The following SPTBN1 variants were observed in gnomAD, a reference collection of about 807,000 sequenced individuals.
SPTBN1 encodes the protein spectrin beta chain, non-erythrocytic 1.
A neutral mutation model predicts 266.4 loss-of-function variants in SPTBN1; 32 were observed. The observed-to-expected ratio is 0.12, with a 90% confidence interval of 0.09 to 0.16. The LOEUF (loss-of-function observed/expected upper bound fraction) is 0.16. Ranked by LOEUF, SPTBN1 falls within the 10% of genes least tolerant of loss-of-function variation. The pLI, the probability that SPTBN1 is intolerant of heterozygous loss-of-function variation, is 1.00. For synonymous variants in SPTBN1, 1,336 were observed against 1,162.2 expected (o/e 1.15, Z -3.04); for missense variants, 2,296 against 3,067.1 (o/e 0.75, Z 5.94).
chr2:54,616,086 C>A (rs747728257), intron 4 of SPTBN1, 121 bp from the exon 5 acceptor site: 2 of 720,670 alleles, frequency 2.8e-6, no homozygotes, highest in East Asian at 2.9e-5. Context: ...CAGGGTAGAT[C>A]GTCTGCAGGG....
chr2:54,469,485 C>T (rs1159842485), intron 1 of SPTBN1, among the ~76,000 whole-genome samples: 1 of 152,182 alleles, frequency 6.6e-6, no homozygotes, highest in African/African-American at 2.4e-5. Context: ...TCTGAAACTC[C>T]TAACCTGATG....
At chr2:54,550,171 A>G (rs566027492) in intron 2 of SPTBN1, among the ~76,000 whole-genome samples, 6 of 152,316 alleles carry the variant, frequency 3.9e-5, no homozygotes, top group Admixed American at 2.0e-4. Flanking sequence ...AGAGGTAGCT[A>G]TAGTATTTAT....
chr2:54,660,114 C>G (rs748121897), intron 32 of SPTBN1, 115 bp downstream of exon 32: 1 of 1,603,214 alleles, frequency 6.2e-7, no homozygotes, highest in East Asian at 2.2e-5. Flanking sequence ...CAAGAATCAC[C>G]CTTTCCAAAT....
intron 1 of SPTBN1, among the ~76,000 whole-genome samples, chr2:54,524,719 C>T (rs2104313968): frequency 6.6e-6 from 1 of 152,348 alleles, no homozygotes; most frequent in African/African-American, 2.4e-5. Flanking sequence ...TGGGCTCGCC[C>T]ACCTCCCTCC....
chr2:54,497,393 ACTTGAG>A (rs1669025074), intron 1 of SPTBN1, among the ~76,000 whole-genome samples: 1 of 152,112 alleles, frequency 6.6e-6, no homozygotes, highest in Admixed American at 6.5e-5. Context: ...CACTAAGCTC[ACTTGAG>A]TACTTTCTTC....
intron 1 of SPTBN1, among the ~76,000 whole-genome samples, chr2:54,463,239 G>T (rs1027183213): frequency 2.6e-5 from 4 of 152,188 alleles, no homozygotes; most frequent in Non-Finnish European, 5.9e-5. Flanking sequence ...TGGACCTAGT[G>T]GGTGACGAGC....
intron 10 of SPTBN1, among the ~76,000 whole-genome samples, chr2:54,624,305 ATT>A (rs544202390): frequency 6.8e-6 from 1 of 147,500 alleles, no homozygotes. Flanking sequence ...GGAAGGTTTG[ATT>A]TTTTTTTTTA....
intron 2 of SPTBN1, among the ~76,000 whole-genome samples, chr2:54,560,842 T>A (rs551889416): frequency 1.3e-5 from 2 of 152,306 alleles, no homozygotes; most frequent in African/African-American, 4.8e-5. Context: ...CTCAGGAGAA[T>A]TACACACATT....
intron 1 of SPTBN1, among the ~76,000 whole-genome samples, chr2:54,468,333 A>C (rs1693744548): frequency 6.8e-6 from 1 of 147,306 alleles, no homozygotes; most frequent in Admixed American, 6.6e-5. Context: ...AAAAATAAAA[A>C]ATAAAAAAAT....
In SPTBN1 at chr2:54,564,413, C is replaced by T. The variant is rs561229291; in HGVS notation, c.149-34679C>T. Among the ~76,000 whole-genome samples, 6 of 152,312 alleles carry T rather than the reference C, an allele frequency of 3.9e-5. No homozygotes were observed. The East Asian group carries it at 1.2e-3, about 29-fold the overall frequency. The stretch of plus-strand genomic sequence containing the variant: ...GGTCTGCACAGCCTCACTGCTGCTT[C>T]GTCTGCTTTAGTCTCTTTTCATGGC... On this transcript the variant is annotated intron_variant, in intron 2 of 35. Coordinates refer to ENST00000356805, the MANE Select transcript of SPTBN1 (RefSeq NM_003128.3).
chr2:54,633,200 G>A (rs967870713), intron 17 of SPTBN1, among the ~76,000 whole-genome samples: 2 of 152,168 alleles, frequency 1.3e-5, no homozygotes, highest in African/African-American at 4.8e-5. Context: ...AAGGGAGGGT[G>A]AAGCTTGCTT....
intron 2 of SPTBN1, among the ~76,000 whole-genome samples, chr2:54,597,866 C>CT (rs531763576): frequency 0.01 from 849 of 82,104 alleles, 17 homozygotes; most frequent in African/African-American, 0.018. Flanking sequence ...GAGCTATCTG[C>CT]TTTTTTTTTT....
At chr2:54,605,431 G>A (rs2103741550) in intron 3 of SPTBN1, among the ~76,000 whole-genome samples, 1 of 152,278 alleles carries the variant, frequency 6.6e-6, no homozygotes, top group East Asian at 1.9e-4. Flanking sequence ...AAAATGACAG[G>A]AATAGTAATT....
intron 2 of SPTBN1, among the ~76,000 whole-genome samples, chr2:54,543,232 T>C (rs1403760378): frequency 6.6e-6 from 1 of 152,194 alleles, no homozygotes; most frequent in Non-Finnish European, 1.5e-5. Context: ...GAGGATAATA[T>C]CCACCTTATG....
At chr2:54,648,577 T>C (rs1680065783) in intron 24 of SPTBN1, among the ~76,000 whole-genome samples, 1 of 152,212 alleles carries the variant, frequency 6.6e-6, no homozygotes, top group African/African-American at 2.4e-5. Flanking sequence ...TATTTTCTCT[T>C]TTGTCACCTT....
intron 17 of SPTBN1, among the ~76,000 whole-genome samples, chr2:54,635,093 C>T (rs1679028851): frequency 6.6e-6 from 1 of 152,208 alleles, no homozygotes; most frequent in Non-Finnish European, 1.5e-5. Context: ...ACCAGAACAC[C>T]CGCATCTGCT....
intron 1 of SPTBN1, among the ~76,000 whole-genome samples, chr2:54,470,439 G>T (rs1403907143): frequency 6.6e-6 from 1 of 152,130 alleles, no homozygotes; most frequent in African/African-American, 2.4e-5. Context: ...TAAAGTCAGT[G>T]GTATTTCATG....
chr2:54,654,886 C>T lies in SPTBN1; in HGVS notation c.5823-184C>T, dbSNP rs1166114662. On this transcript the variant is annotated intron_variant, in intron 27 of 35. Transcript: ENST00000356805. Reference sequence around the variant, plus strand: ...GTTTGGTTACCTGGCTGGTACTGAACTGTGCTGTCACTGTGCTTTGGCTCC... The same window carrying T: ...GTTTGGTTACCTGGCTGGTACTGAATTGTGCTGTCACTGTGCTTTGGCTCC... Among the ~76,000 whole-genome samples the T allele has an allele frequency of 2.0e-5, 3 of 152,228 alleles. No homozygotes were observed. The South Asian group carries it at 6.2e-4, about 31-fold the overall frequency.
At chr2:54,601,806 C>T (rs1541854) in intron 3 of SPTBN1, among the ~76,000 whole-genome samples, 119,381 of 152,192 alleles carry the variant, frequency 0.78, 47,528 homozygotes, top group African/African-American at 0.91. Context: ...AGGAGGAAAT[C>T]TGTGAATGTG....
Sources: gnomAD v4.1 joint callset for allele counts (sites outside exome capture counted in the v4.1 genomes callset) on GRCh38, gnomAD v4.1.1 for gene constraint, MANE v1.5 for transcripts, NCBI Gene and HGNC (gene_info 2026-07-23, HGNC 2026-07-21) for gene names.